The following S100Z variants were observed in gnomAD, a reference collection of about 807,000 sequenced individuals.
S100Z encodes the protein protein S100-Z.
A neutral mutation model predicts 8.5 loss-of-function variants in S100Z; 11 were observed. The observed-to-expected ratio is 1.30, with a 90% CI of 0.82 to 2.15. The LOEUF is 2.15. S100Z is among the 30% of genes most tolerant of loss of function. The pLI, the probability that S100Z is intolerant of heterozygous loss-of-function variation, is 0.00. For synonymous variants in S100Z, 34 were observed against 43.8 expected (o/e 0.78, Z 0.89); for missense variants, 126 against 117.9 (o/e 1.07, Z -0.32).
chr5:76,938,633 A>G, the S100Z span, among the ~76,000 whole-genome samples: 1 of 152,220 alleles, frequency 6.6e-6, no homozygotes, highest in Non-Finnish European at 1.5e-5. Context: ...TGCTTTCTGT[A>G]ACCTAGGAAA....
At chr5:76,919,119 T>C (rs1245090933) in intron 4 of S100Z, among the ~76,000 whole-genome samples, 1 of 152,242 alleles carries the variant, frequency 6.6e-6, no homozygotes, top group Non-Finnish European at 1.5e-5. Flanking sequence ...GCTTCCAAGG[T>C]TTGCCAATTA....
At chr5:76,850,716 C>T (rs1347599814) in intron 1 of S100Z, among the ~76,000 whole-genome samples, 1 of 152,230 alleles carries the variant, frequency 6.6e-6, no homozygotes, top group South Asian at 2.1e-4. Flanking sequence ...GGAATGGCTG[C>T]TCTCAGCCTA....
intron 4 of S100Z, among the ~76,000 whole-genome samples, chr5:76,890,541 C>G (rs1266670067): frequency 3.3e-5 from 5 of 152,082 alleles, no homozygotes; most frequent in African/African-American, 1.2e-4. Context: ...TCCCAGCTGC[C>G]TGGAAGTCTG....
chr5:76,888,478 C>T (rs1356420339), intron 4 of S100Z, among the ~76,000 whole-genome samples: 2 of 142,712 alleles, frequency 1.4e-5, no homozygotes, highest in African/African-American at 2.6e-5. Flanking sequence ...CGGGTTCACG[C>T]CATTCTCCTG....
At chr5:76,878,111 A>C (rs78390714) in intron 4 of S100Z, 9,305 of 203,164 alleles carry the variant, frequency 0.046, 666 homozygotes, top group African/African-American at 0.15. Flanking sequence ...GCATTACAAA[A>C]ATTTAGCTAC....
At chr5:76,910,486 CAG>C (rs1207952418) in intron 4 of S100Z, among the ~76,000 whole-genome samples, 1 of 152,170 alleles carries the variant, frequency 6.6e-6, no homozygotes, top group Non-Finnish European at 1.5e-5. Context: ...GGACAGAAAA[CAG>C]AGCAGGCCAA....
chr5:76,906,994 A>G lies in S100Z; in HGVS notation c.*3-13723A>G, dbSNP rs1177505043. ...TGTGTGTGTATATATATATATATATATATATATATATATATATATATATAT... is the reference window on the plus strand; with the variant it reads ...TGTGTGTGTATATATATATATATATGTATATATATATATATATATATATAT... On this transcript the variant is annotated intron_variant, in intron 4 of 4. Coordinates refer to ENST00000317593, the MANE Select transcript of S100Z (RefSeq NM_130772.4). Among the ~76,000 whole-genome samples the G allele has an allele frequency of 5.3e-3, 77 of 14,476 alleles. 3 individuals carry two copies. The highest frequency in any genetic ancestry group is 0.021 in the African/African-American group (71 of 3,424). 9.5% of individuals were successfully genotyped at this position (14,476 alleles called of 152,430 possible). A position where few individuals can be genotyped will look rare whatever the true frequency, so the allele number is the denominator to read the frequency against.
chr5:76,905,562 A>AC (rs1303664693), intron 4 of S100Z, among the ~76,000 whole-genome samples: 1 of 150,254 alleles, frequency 6.7e-6, no homozygotes, highest in African/African-American at 2.4e-5. Context: ...ACAGGCGCCT[A>AC]CCACCACGCC....
At position 76,875,454 on chromosome 5, in the gene S100Z, G is replaced by C; in HGVS notation, c.95G>C (p.Gly32Ala). 6.2e-7 allele frequency: 1 copy of C among 1,612,558 alleles called. No homozygotes were observed. Residue 32 changes from glycine to alanine, a missense_variant, in exon 3 of 5, where the codon GGG becomes GCG. Transcript: ENST00000317593. ...KERKRFKLSK[G>A]ELKLLLQREL... ...AGGAAGAGATTCAAGCTCAGCAAGG[G>C]GGAACTGAAACTGCTCCTGCAGCGA...
At chr5:76,927,964 C>T in the S100Z span, among the ~76,000 whole-genome samples, 1 of 152,148 alleles carries the variant, frequency 6.6e-6, no homozygotes, top group African/African-American at 2.4e-5. Flanking sequence ...GTGTGCTGTT[C>T]CCTGTCCACA....
intron 1 of S100Z, among the ~76,000 whole-genome samples, chr5:76,859,786 G>T (rs868133102): frequency 6.5e-5 from 5 of 76,758 alleles, no homozygotes; most frequent in Admixed American, 1.2e-4. Context: ...AAAAAAAAAA[G>T]AAATAAGAAA....
At chr5:76,934,197 C>T in the S100Z span, among the ~76,000 whole-genome samples, 1 of 152,212 alleles carries the variant, frequency 6.6e-6, no homozygotes, top group African/African-American at 2.4e-5. Flanking sequence ...ATGCAGACCA[C>T]AGACCACTAA....
At chr5:76,851,283 A>T (rs779666398) in intron 1 of S100Z, among the ~76,000 whole-genome samples, 11 of 152,194 alleles carry the variant, frequency 7.2e-5, no homozygotes, top group Non-Finnish European at 1.6e-4. Flanking sequence ...GTTTAGATTT[A>T]GCCAGGGGAT....
intron 1 of S100Z, among the ~76,000 whole-genome samples, chr5:76,863,714 A>AT (rs1206425667): frequency 2.0e-5 from 3 of 151,598 alleles, no homozygotes; most frequent in South Asian, 2.1e-4. Flanking sequence ...AATTTTTTGT[A>AT]TTTTTAGTAG....
chr5:76,930,291 C>T, the S100Z span, among the ~76,000 whole-genome samples: 1 of 152,212 alleles, frequency 6.6e-6, no homozygotes, highest in African/African-American at 2.4e-5. Context: ...CTCTACTGAG[C>T]AAGCTCCCTG....
At chr5:76,853,550 C>T (rs1735121857) in intron 1 of S100Z, among the ~76,000 whole-genome samples, 1 of 151,698 alleles carries the variant, frequency 6.6e-6, no homozygotes, top group Non-Finnish European at 1.5e-5. Context: ...AATCCCAGCA[C>T]TTTGGGAGGC....
At chr5:76,863,579 C>T (rs1266153635) in intron 1 of S100Z, among the ~76,000 whole-genome samples, 2 of 152,030 alleles carry the variant, frequency 1.3e-5, no homozygotes, top group East Asian at 1.9e-4. Context: ...CACTCTGTTG[C>T]CCAGGCTGGA....
intron 4 of S100Z, chr5:76,878,364 G>C (rs1743274326): frequency 6.6e-6 from 1 of 152,264 alleles, no homozygotes; most frequent in Non-Finnish European, 1.5e-5. Context: ...AGCCGAGAGA[G>C]CTGAAGCCAG....
chr5:76,894,570 A>G (rs996053682), intron 4 of S100Z, among the ~76,000 whole-genome samples: 2 of 151,862 alleles, frequency 1.3e-5, no homozygotes, highest in African/African-American at 4.8e-5. Flanking sequence ...TTTACCACAG[A>G]TGGTGACATT....
Sources: allele counts gnomAD v4.1 joint callset (sites outside exome capture counted in the v4.1 genomes callset), GRCh38; gene constraint gnomAD v4.1.1; transcripts MANE v1.5; gene names NCBI Gene and HGNC (gene_info 2026-07-23, HGNC 2026-07-21).